RAB11FIP3: variants seen among roughly 807,000 people sequenced by gnomAD.
The protein encoded by RAB11FIP3 is rab11 family-interacting protein 3.
Under a neutral mutation model 77.8 loss-of-function variants are expected in RAB11FIP3, and 17 were observed. The ratio of observed to expected loss-of-function variants is 0.22; its 90% CI spans 0.15 to 0.33. RAB11FIP3 has a LOEUF of 0.33. Ranked by LOEUF, RAB11FIP3 falls within the 10% of genes least tolerant of loss-of-function variation. The pLI is 1.00. For missense variants in RAB11FIP3, 1,005 were observed against 1,011.2 expected (o/e 0.99, Z 0.08); for synonymous variants, 437 against 448.2 (o/e 0.98, Z 0.31).
At chr16:463,923 C>T (rs988457439) in intron 2 of RAB11FIP3, among the ~76,000 whole-genome samples, 11 of 152,160 alleles carry the variant, frequency 7.2e-5, no homozygotes, top group Non-Finnish European at 1.3e-4. Context: ...CGTAGCAGGC[C>T]GGGGGTGAGA....
chr16:472,954 C>T lies in RAB11FIP3; in HGVS notation c.903+1565C>T, dbSNP rs1278688919. Among the ~76,000 whole-genome samples the T allele has an allele frequency of 6.6e-6, 1 of 152,172 alleles. No homozygotes were observed. Among genetic ancestry groups the T allele is most frequent in the Non-Finnish European group, 1.5e-5 (1 of 68,034 alleles). On this transcript the variant is annotated intron_variant, in intron 3 of 13. Coordinates refer to ENST00000262305, the MANE Select transcript of RAB11FIP3 (RefSeq NM_014700.4). The surrounding 1 kb of genome is among the most constrained non-coding windows in gnomAD (Gnocchi z 4.1). ...AAGACAGGGCAGAGACTGACCAGAGCCAGGGAACTCCTGGGGCTCCCAGAA... is the reference window on the plus strand; with the variant it reads ...AAGACAGGGCAGAGACTGACCAGAGTCAGGGAACTCCTGGGGCTCCCAGAA...
chr16:431,382 C>CTTT (rs773557516), intron 1 of RAB11FIP3, among the ~76,000 whole-genome samples: 1 of 143,454 alleles, frequency 7.0e-6, no homozygotes, highest in Non-Finnish European at 1.5e-5. Context: ...TCTTTTCAGA[C>CTTT]TTTTTTTTTT....
chr16:433,847 C>T (rs911697263), intron 1 of RAB11FIP3, among the ~76,000 whole-genome samples: 1 of 147,268 alleles, frequency 6.8e-6, no homozygotes, highest in African/African-American at 2.5e-5. Context: ...CAGAGCGAGA[C>T]TCTGTCTCAA....
At chr16:500,465 G>A (rs1194952277) in intron 6 of RAB11FIP3, among the ~76,000 whole-genome samples, 1 of 151,992 alleles carries the variant, frequency 6.6e-6, no homozygotes. Context: ...CACAGATCAC[G>A]AGGTCAGGAG....
At chr16:510,403 TG>T in intron 8 of RAB11FIP3, 1 of 456,296 alleles carries the variant, frequency 2.2e-6, no homozygotes. Context: ...GCAGTGCCTG[TG>T]GGTATCAGCT....
chr16:443,859 C>T (rs1292541470), intron 1 of RAB11FIP3, among the ~76,000 whole-genome samples: 3 of 152,152 alleles, frequency 2.0e-5, no homozygotes, highest in South Asian at 2.1e-4. Context: ...CCATCGCGCC[C>T]GGCCTGGATA....
rs531896109 is a variant in RAB11FIP3 at position 508,021 on chromosome 16, G to A, written c.1499+2394G>A. ...CCTGTGTTTGATTCCTTATTTTCTG[G>A]GTCCCACGTTTTCTTCTGTTTTGCC... On this transcript the variant is annotated intron_variant, in intron 8 of 13. Coordinates refer to ENST00000262305, the MANE Select transcript of RAB11FIP3 (RefSeq NM_014700.4). Among the ~76,000 whole-genome samples, 6 of 152,288 alleles carry A rather than the reference G, an allele frequency of 3.9e-5. No homozygotes were observed. In the South Asian group the frequency reaches 1.2e-3, roughly 32 times the overall value.
intron 3 of RAB11FIP3, among the ~76,000 whole-genome samples, chr16:474,410 A>G (rs924488748): frequency 6.6e-6 from 1 of 152,146 alleles, no homozygotes; most frequent in African/African-American, 2.4e-5. Flanking sequence ...CAGGCAGCTT[A>G]TAACGGGAAA....
At chr16:446,445 C>T (rs974387145) in intron 1 of RAB11FIP3, among the ~76,000 whole-genome samples, 4 of 152,140 alleles carry the variant, frequency 2.6e-5, no homozygotes, top group Admixed American at 2.0e-4. Flanking sequence ...AAAGAGTGCT[C>T]CTTGGCAGGC....
chr16:448,127 G>T (rs1182437064), intron 1 of RAB11FIP3, among the ~76,000 whole-genome samples: 1 of 151,602 alleles, frequency 6.6e-6, no homozygotes, highest in East Asian at 1.9e-4. Flanking sequence ...AGACCAGCCT[G>T]GCCAACATGG....
chr16:492,269 ATGGGGG>A (rs1262538791), intron 5 of RAB11FIP3, among the ~76,000 whole-genome samples: 1 of 151,044 alleles, frequency 6.6e-6, no homozygotes, highest in Non-Finnish European at 1.5e-5. Flanking sequence ...GGTGGAGAGG[ATGGGGG>A]TGGGGCCCGG....
Position 443,786 on chromosome 16 carries a change from G to A in RAB11FIP3, c.714+17066G>A, listed in dbSNP as rs531783385. ...TCACCATGTTAGCCAGGATGATCTA[G>A]ATCTCCTGACCTTGTGATCCGCCCG... On this transcript the variant is annotated intron_variant, in intron 1 of 13. Transcript: ENST00000262305. Among the ~76,000 whole-genome samples, 107 of 152,314 alleles carry A rather than the reference G, an allele frequency of 7.0e-4. 2 individuals carry two copies. The highest frequency in any genetic ancestry group is 6.4e-3 in the South Asian group (31 of 4,828).
rs755496539 is a variant in RAB11FIP3 at position 426,367 on chromosome 16, C to T, written c.361C>T (p.Pro121Ser). The change falls in exon 1 of 14, where the codon CCG becomes TCG. Residue 121 changes from proline to serine, a missense_variant. Around this residue, in one of 4 missense-constraint regions of RAB11FIP3, gnomAD observed 466 missense variants for 408.3 expected, o/e 1.14. Coordinates refer to ENST00000262305, the MANE Select transcript of RAB11FIP3 (RefSeq NM_014700.4). The surrounding 1 kb of genome is among the most constrained non-coding windows in gnomAD (Gnocchi z 5.0). ...RSEAPLPELDPLFSWTEEPEE... is the reference protein window; with the variant it reads ...RSEAPLPELDSLFSWTEEPEE... ...CGAAGCGCCGCTTCCAGAACTCGACCCGTTGTTCTCCTGGACTGAGGAGCC... is the reference window on the plus strand; with the variant it reads ...CGAAGCGCCGCTTCCAGAACTCGACTCGTTGTTCTCCTGGACTGAGGAGCC... 1.9e-6 allele frequency: 3 copies of T among 1,544,372 alleles called. No homozygotes were observed. The South Asian group carries it at 3.6e-5, about 18-fold the overall frequency.
At chr16:446,349 G>A (rs555603491) in intron 1 of RAB11FIP3, among the ~76,000 whole-genome samples, 1 of 152,350 alleles carries the variant, frequency 6.6e-6, no homozygotes, top group African/African-American at 2.4e-5. Flanking sequence ...ACCCAGAGAG[G>A]CAGGGCACTG....
rs2031817708 is a variant in RAB11FIP3, at chr16:505,402, A to G, written c.1396-122A>G. 1.3e-5 allele frequency: 9 copies of G among 711,504 alleles called. No individual in the cohort carries two copies. Among genetic ancestry groups the G allele is most frequent in the South Asian group, 1.1e-4 (6 of 54,154 alleles). The allele number at this position is 711,504 out of a possible 1,614,324, so 44.1% of individuals were successfully genotyped here. On this transcript the variant is annotated intron_variant, in intron 7 of 13. Coordinates refer to ENST00000262305, the MANE Select transcript of RAB11FIP3 (RefSeq NM_014700.4). The surrounding 1 kb of genome is among the most constrained non-coding windows in gnomAD (Gnocchi z 4.0). ...GACAAGTTGGATCCAACACCAGCCT[A>G]GCTAGGTGGATCTGATTCTGTGCTG...
Position 507,646 on chromosome 16 carries a change from G to T in RAB11FIP3, c.1499+2019G>T, listed in dbSNP as rs999240169. ...GGTGTGAAGTCCACACTGCCGCCTG[G>T]CACCACCCACTGACCGTCTGCAGTG... is the stretch of plus-strand genomic sequence containing the variant. On this transcript the variant is annotated intron_variant, in intron 8 of 13. Coordinates refer to ENST00000262305, the MANE Select transcript of RAB11FIP3 (RefSeq NM_014700.4). The surrounding 1 kb of genome is among the most constrained non-coding windows in gnomAD (Gnocchi z 4.6). Among the ~76,000 whole-genome samples the T allele has an allele frequency of 1.3e-5, 2 of 152,220 alleles. No homozygotes were observed. The highest frequency in any genetic ancestry group is 4.8e-5 in the African/African-American group (2 of 41,448).
chr16:440,820 G>A (rs78511356), intron 1 of RAB11FIP3, among the ~76,000 whole-genome samples: 8,141 of 152,312 alleles, frequency 0.053, 738 homozygotes, highest in African/African-American at 0.18. Flanking sequence ...CTGTGCCTGC[G>A]GGCAGGAAGT....
At chr16:511,110 G>A (rs112978517) in intron 9 of RAB11FIP3, among the ~76,000 whole-genome samples, 22 of 55,752 alleles carry the variant, frequency 3.9e-4, no homozygotes, top group Admixed American at 3.6e-4. Context: ...GTTCCCCGAC[G>A]GCCCGCCAAC....
Position 505,443 on chromosome 16 carries a change from G to A in RAB11FIP3, c.1396-81G>A, listed in dbSNP as rs566578825. 9.7e-5 allele frequency: 104 copies of A among 1,072,434 alleles called. 1 individual carries two copies. The African/African-American group carries it at 1.2e-3, about 13-fold the overall frequency. The allele number at this position is 1,072,434 out of a possible 1,614,324, so 66.4% of individuals were successfully genotyped here. On this transcript the variant is annotated intron_variant, in intron 7 of 13. Coordinates refer to ENST00000262305, the MANE Select transcript of RAB11FIP3 (RefSeq NM_014700.4). The surrounding 1 kb of genome is among the most constrained non-coding windows in gnomAD (Gnocchi z 4.0). Reference sequence around the variant, plus strand: ...TTCTGTGCTGAGAAAATCCCCAGGCGGCCTCCCAGGTTGTTCCCTTGGGGG... The same window carrying A: ...TTCTGTGCTGAGAAAATCCCCAGGCAGCCTCCCAGGTTGTTCCCTTGGGGG...
Sources: allele counts gnomAD v4.1 joint callset (sites outside exome capture counted in the v4.1 genomes callset), GRCh38; gene constraint gnomAD v4.1.1; regional missense constraint gnomAD v4.1.1; non-coding constraint Gnocchi (gnomAD v3.1); transcripts MANE v1.5; gene names NCBI Gene and HGNC (gene_info 2026-07-23, HGNC 2026-07-21).